Variants in FHL2 observed in about 807,000 individuals in gnomAD.
FHL2 encodes the protein four and a half LIM domains protein 2.
FHL2 carries 20 observed loss-of-function variants against 32.7 expected under a neutral mutation model. The observed-to-expected ratio is 0.61, with a 90% CI of 0.43 to 0.89. The LOEUF (loss-of-function observed/expected upper bound fraction) is 0.89, where lower values mean the gene tolerates loss of function less well. FHL2 is among the 40% of genes least tolerant of loss of function. The pLI is 0.00. For missense variants in FHL2, 311 were observed against 358.6 expected, an observed-to-expected ratio of 0.87 and a Z score of 1.07; for synonymous variants, 123 against 128.1, an observed-to-expected ratio of 0.96 and a Z score of 0.27.
At chr2:105,415,319 A>C (rs1490928716) in intron 1 of FHL2, among the ~76,000 whole-genome samples, 1 of 152,248 alleles carries the variant, frequency 6.6e-6, no homozygotes, top group Non-Finnish European at 1.5e-5. Flanking sequence ...CATGTTTGGA[A>C]TATCTGGAAG....
rs185969134 is a variant in FHL2, at chr2:105,411,687, A to G, written c.-24-25147T>C. Among the ~76,000 whole-genome samples, 26 of 152,044 alleles carry G rather than the reference A, an allele frequency of 1.7e-4. No homozygotes were observed. In the East Asian group the frequency reaches 4.6e-3, roughly 27 times the overall value. On this transcript the variant is annotated intron_variant, in intron 1 of 5. Transcript: ENST00000393352. ...AAACCCTGTCTCTACTCAAAATACA[A>G]AAATTAATTGGGCATGGTGGTGAGC...
intron 1 of FHL2, among the ~76,000 whole-genome samples, chr2:105,422,062 C>T (rs886205708): frequency 1.3e-5 from 2 of 152,206 alleles, no homozygotes; most frequent in Admixed American, 1.3e-4. Flanking sequence ...CGGTGGAGGG[C>T]AGTCCTTCCC....
rs1414805444 is a variant in FHL2, at chr2:105,398,937, C to A, written c.-171G>T. The A allele has an allele frequency of 1.2e-5, 19 of 1,536,138 alleles. No individual in the cohort carries two copies. The highest frequency in any genetic ancestry group is 1.6e-5 in the Non-Finnish European group (18 of 1,144,600). On this transcript the variant is annotated 5_prime_UTR_variant, in exon 1 of 7. Transcript: ENST00000530340. ...CCCTGGTGGCTAAGCCCCTCGGCCT[C>A]CCTCCGGGGCGCAGGGGGTTGGAGG...
chr2:105,431,594 GAA>G (rs1204494322), intron 1 of FHL2, among the ~76,000 whole-genome samples: 2 of 152,232 alleles, frequency 1.3e-5, no homozygotes, highest in Non-Finnish European at 2.9e-5. Context: ...GACAGAGAGA[GAA>G]GGAAGAGATG....
chr2:105,399,237 G>C (rs1683366337), upstream of FHL2: 1 of 1,534,848 alleles, frequency 6.5e-7, no homozygotes, highest in Non-Finnish European at 8.7e-7. Context: ...GTTTGCCAGG[G>C]CTCCTTTCTT....
intron 4 of FHL2, among the ~76,000 whole-genome samples, chr2:105,370,381 A>AC (rs1414357647): frequency 1.4e-4 from 21 of 152,150 alleles, no homozygotes; most frequent in Non-Finnish European, 2.5e-4. Context: ...GCTCAAAAAA[A>AC]AAAAAAGTCA....
intron 1 of FHL2, among the ~76,000 whole-genome samples, chr2:105,423,686 C>A (rs4851769): frequency 0.032 from 4,908 of 152,240 alleles, 153 homozygotes; most frequent in East Asian, 0.091. Flanking sequence ...ATATATAGAC[C>A]AGTGGAACAT....
intron 6 of FHL2, 195 bp downstream of exon 6, chr2:105,363,090 G>A: frequency 1.7e-6 from 1 of 584,022 alleles, no homozygotes; most frequent in Middle Eastern, 4.0e-4. Flanking sequence ...GGGCTGCAGA[G>A]GAAGGAATCA....
At chr2:105,428,455 T>C (rs1684328027) in intron 1 of FHL2, among the ~76,000 whole-genome samples, 1 of 152,344 alleles carries the variant, frequency 6.6e-6, no homozygotes, top group Non-Finnish European at 1.5e-5. Context: ...GGATCAAACC[T>C]GGCTGGTTTG....
chr2:105,407,244 T>C (rs562202217), intron 1 of FHL2, among the ~76,000 whole-genome samples: 1 of 151,990 alleles, frequency 6.6e-6, no homozygotes, highest in East Asian at 2.0e-4. Flanking sequence ...TACAAAAAAT[T>C]AGCTGGACGT....
chr2:105,411,770 C>T (rs946906114), intron 1 of FHL2, among the ~76,000 whole-genome samples: 3 of 150,982 alleles, frequency 2.0e-5, no homozygotes, highest in African/African-American at 7.3e-5. Context: ...TGTGGTAAGC[C>T]GAGATCACGC....
intron 1 of FHL2, among the ~76,000 whole-genome samples, chr2:105,426,888 C>T (rs1684285772): frequency 6.6e-6 from 1 of 152,224 alleles, no homozygotes; most frequent in South Asian, 2.1e-4. Flanking sequence ...CCTTATCACT[C>T]CTTGGTGAAT....
intron 1 of FHL2, among the ~76,000 whole-genome samples, chr2:105,418,412 G>C (rs1683997994): frequency 1.3e-5 from 2 of 148,470 alleles, no homozygotes; most frequent in Admixed American, 6.9e-5. Flanking sequence ...CAGAGACCCA[G>C]GTGGTCAAAC....
chr2:105,380,214 T>A (rs1172088692), intron 3 of FHL2, among the ~76,000 whole-genome samples: 1 of 152,138 alleles, frequency 6.6e-6, no homozygotes. Flanking sequence ...GCCACACGAT[T>A]CCCTAGAGCT....
intron 2 of FHL2, among the ~76,000 whole-genome samples, chr2:105,388,051 A>C (rs1006603015): frequency 2.6e-5 from 4 of 152,212 alleles, no homozygotes; most frequent in African/African-American, 9.6e-5. Context: ...TGAGGGCTAA[A>C]TGAGGGAACA....
intron 1 of FHL2, among the ~76,000 whole-genome samples, chr2:105,418,092 T>C (rs1288058942): frequency 6.6e-6 from 1 of 152,148 alleles, no homozygotes; most frequent in African/African-American, 2.4e-5. Flanking sequence ...GTCATTATAT[T>C]TTGTAATAGG....
Position 105,398,020 on chromosome 2 carries a change from TCTC to T in FHL2, c.-76+819_-76+821del, listed in dbSNP as rs1469984335. Among the ~76,000 whole-genome samples, 6 of 152,252 alleles carry T rather than the reference TCTC, an allele frequency of 3.9e-5. No homozygotes were observed. The East Asian group carries it at 1.2e-3, about 29-fold the overall frequency. ...TTGGGAGTTGTGTTTTGAAGACAGT[TCTC>T]CTGATTCTAAACCCAAATTGTGATT... is the stretch of plus-strand genomic sequence containing the variant. On this transcript the variant is annotated intron_variant, in intron 1 of 6. Coordinates refer to ENST00000530340, the MANE Select transcript of FHL2 (RefSeq NM_001318895.3).
intron 2 of FHL2, 108 bp from the exon 3 acceptor site, chr2:105,386,648 T>A: frequency 1.1e-6 from 1 of 882,832 alleles, no homozygotes; most frequent in Non-Finnish European, 1.7e-6. Context: ...GAAAGGTGGC[T>A]AATTCCTCTG....
At chr2:105,422,646 C>CA (rs10715306) in intron 1 of FHL2, among the ~76,000 whole-genome samples, 2,308 of 113,868 alleles carry the variant, frequency 0.02, 35 homozygotes, top group African/African-American at 0.038. Flanking sequence ...TCATCTCTGG[C>CA]AAAAAAAAAA....
Sources: allele counts gnomAD v4.1 joint callset (sites outside exome capture counted in the v4.1 genomes callset), GRCh38; gene constraint gnomAD v4.1.1; transcripts MANE v1.5; gene names NCBI Gene and HGNC (gene_info 2026-07-23, HGNC 2026-07-21).